The following MYRIP variants were observed in gnomAD, a reference collection of about 807,000 sequenced individuals.
MYRIP encodes the protein rab effector MyRIP.
MYRIP carries 49 observed loss-of-function variants against 98.0 expected under a neutral mutation model. The ratio of observed to expected loss-of-function variants is 0.50; its 90% CI spans 0.40 to 0.63. The LOEUF is 0.63. Among genes scored for constraint, MYRIP ranks in the 30% least tolerant of loss-of-function variants. The pLI is 0.00. For missense variants in MYRIP, 1,004 were observed against 1,058.2 expected (o/e 0.95, Z 0.71); for synonymous variants, 404 against 409.5 (o/e 0.99, Z 0.16).
At position 39,856,401 on chromosome 3, in the gene MYRIP, C is replaced by T. The variant is rs574668298; in HGVS notation, c.-30-44386C>T. ...TTTTAGAGCCCAGCCTGTAGCCTTGCCCAATTGTGGAACACAGCCAGAGTC... is the reference window on the plus strand; with the variant it reads ...TTTTAGAGCCCAGCCTGTAGCCTTGTCCAATTGTGGAACACAGCCAGAGTC... On this transcript the variant is annotated intron_variant, in intron 1 of 16. Coordinates refer to ENST00000302541, the MANE Select transcript of MYRIP (RefSeq NM_015460.4). 1.2e-3 allele frequency among the ~76,000 whole-genome samples: 178 copies of T among 152,304 alleles called. 2 individuals are homozygous for T. The South Asian group carries it at 0.036, about 31-fold the overall frequency.
intron 11 of MYRIP, among the ~76,000 whole-genome samples, chr3:40,223,602 C>T (rs1952401984): frequency 6.6e-6 from 1 of 152,164 alleles, no homozygotes; most frequent in South Asian, 2.1e-4. Context: ...AATGGACCCT[C>T]CTGGTTTGCA....
chr3:39,941,142 G>A (rs1944773870), intron 2 of MYRIP, among the ~76,000 whole-genome samples: 1 of 152,078 alleles, frequency 6.6e-6, no homozygotes, highest in Non-Finnish European at 1.5e-5. Context: ...GAAGTACCTG[G>A]TGGGTAATTT....
At chr3:40,233,744 G>T (rs1206435846) in intron 11 of MYRIP, 115 bp from the exon 12 acceptor site, 5 of 970,408 alleles carry the variant, frequency 5.2e-6, no homozygotes, top group African/African-American at 1.7e-5. Flanking sequence ...GTGTTTGTGT[G>T]TGGAATTACA....
chr3:39,877,509 G>C (rs1047944114), intron 1 of MYRIP, among the ~76,000 whole-genome samples: 25 of 152,174 alleles, frequency 1.6e-4, no homozygotes, highest in Non-Finnish European at 2.5e-4. Flanking sequence ...GTGATGTGCA[G>C]ATGGGTTTTT....
intron 1 of MYRIP, among the ~76,000 whole-genome samples, chr3:39,866,900 G>C (rs1053221213): frequency 5.3e-5 from 8 of 152,130 alleles, no homozygotes; most frequent in African/African-American, 1.9e-4. Context: ...AACAAAGTTA[G>C]AGGCATCATA....
chr3:40,247,846 C>T (rs545149379), intron 13 of MYRIP, among the ~76,000 whole-genome samples: 2 of 152,236 alleles, frequency 1.3e-5, no homozygotes, highest in Non-Finnish European at 2.9e-5. Flanking sequence ...CCAGTCTGTG[C>T]TGTGTGGTTT....
intron 3 of MYRIP, among the ~76,000 whole-genome samples, chr3:40,092,390 A>G (rs1278928718): frequency 6.6e-6 from 1 of 152,168 alleles, no homozygotes; most frequent in Admixed American, 6.5e-5. Flanking sequence ...ACTGTAAGGG[A>G]TAGCTATGCC....
At chr3:39,872,572 A>G (rs1324325383) in intron 1 of MYRIP, among the ~76,000 whole-genome samples, 1 of 147,454 alleles carries the variant, frequency 6.8e-6, no homozygotes, top group African/African-American at 2.5e-5. Context: ...CCACCTATGA[A>G]TGAGAACATG....
At chr3:39,973,485 C>T (rs994937465) in intron 2 of MYRIP, among the ~76,000 whole-genome samples, 3 of 152,098 alleles carry the variant, frequency 2.0e-5, no homozygotes, top group Non-Finnish European at 4.4e-5. Flanking sequence ...CAACATTAGA[C>T]AGATCAACGA....
intron 2 of MYRIP, among the ~76,000 whole-genome samples, chr3:40,003,607 T>C (rs1291015539): frequency 6.6e-6 from 1 of 152,184 alleles, no homozygotes; most frequent in Non-Finnish European, 1.5e-5. Context: ...CTTCCCTTAA[T>C]GCACCTTTTC....
In MYRIP at chr3:40,210,061, A is replaced by C; in HGVS notation, c.1873A>C (p.Asn625His). 1 of 1,614,026 alleles carries C rather than the reference A, an allele frequency of 6.2e-7. No homozygotes were observed. Among genetic ancestry groups the C allele is most frequent in the Non-Finnish European group, 8.5e-7 (1 of 1,179,934 alleles). Residue 625 changes from asparagine to histidine, a missense_variant, in exon 11 of 17, where the codon AAC (asparagine) becomes CAC (histidine). Asn to His is a moderately conservative substitution (Grantham distance 68, BLOSUM62 1). This residue lies in a region of MYRIP where 880 missense variants were observed against 907.7 expected (regional missense o/e 0.97). Transcript: ENST00000302541. Reference protein sequence around the residue: ...NQKESLSSEDNSQSVQEELKK... With the variant: ...NQKESLSSEDHSQSVQEELKK... ...GAAGGAAAGTCTGTCCTCTGAAGAC[A>C]ACAGCCAGAGTGTCCAGGAAGAGCT...
At chr3:39,885,875 G>A (rs1031678501) in intron 1 of MYRIP, among the ~76,000 whole-genome samples, 1 of 151,796 alleles carries the variant, frequency 6.6e-6, no homozygotes, top group Non-Finnish European at 1.5e-5. Flanking sequence ...TCTCTGTGTT[G>A]GTTATTCTAG....
chr3:39,893,699 C>CAG (rs1215983687), intron 1 of MYRIP, among the ~76,000 whole-genome samples: 3 of 151,878 alleles, frequency 2.0e-5, no homozygotes, highest in African/African-American at 7.3e-5. Context: ...CACACACACA[C>CAG]ACACACACGC....
chr3:40,207,019 T>A (rs1413059301), intron 10 of MYRIP, among the ~76,000 whole-genome samples: 1 of 152,182 alleles, frequency 6.6e-6, no homozygotes, highest in Non-Finnish European at 1.5e-5. Context: ...TAAGAGAAGG[T>A]CACCATGGCT....
intron 2 of MYRIP, among the ~76,000 whole-genome samples, chr3:39,959,394 A>G (rs1280181510): frequency 1.3e-5 from 2 of 152,126 alleles, no homozygotes; most frequent in East Asian, 1.9e-4. Flanking sequence ...GAAGCTGGAA[A>G]CCATCATTCT....
chr3:40,038,547 A>G (rs578230692), intron 2 of MYRIP, among the ~76,000 whole-genome samples: 1 of 152,264 alleles, frequency 6.6e-6, no homozygotes, highest in South Asian at 2.1e-4. Flanking sequence ...TTCTGAAAGA[A>G]AAGAGGGACA....
At chr3:40,188,029 C>T (rs1359883061) in intron 9 of MYRIP, among the ~76,000 whole-genome samples, 1 of 152,158 alleles carries the variant, frequency 6.6e-6, no homozygotes, top group Non-Finnish European at 1.5e-5. Flanking sequence ...TGCCAGGGAC[C>T]AGCGTCCTCC....
intron 2 of MYRIP, among the ~76,000 whole-genome samples, chr3:40,041,254 C>T (rs943503342): frequency 1.8e-5 from 2 of 112,558 alleles, no homozygotes; most frequent in Admixed American, 9.8e-5. Context: ...TACTATATAA[C>T]TGGTGAATGA....
intron 3 of MYRIP, chr3:40,100,383 T>G: frequency 3.2e-6 from 2 of 630,276 alleles, no homozygotes; most frequent in South Asian, 1.4e-4. Context: ...ACTATGTCAA[T>G]TTTGTCCTAT....
Sources: allele counts gnomAD v4.1 joint callset (sites outside exome capture counted in the v4.1 genomes callset), GRCh38; gene constraint gnomAD v4.1.1; regional missense constraint gnomAD v4.1.1; transcripts MANE v1.5; gene names NCBI Gene and HGNC (gene_info 2026-07-23, HGNC 2026-07-21).